The following HMOX2 variants were observed in gnomAD, a reference collection of about 807,000 sequenced individuals.
The protein encoded by HMOX2 is heme oxygenase 2.
A neutral mutation model predicts 33.7 loss-of-function variants in HMOX2; 30 were observed. The ratio of observed to expected loss-of-function variants is 0.89; its 90% CI spans 0.67 to 1.21. The LOEUF is 1.21. HMOX2 is among the 50% of genes most tolerant of loss of function. The pLI is 0.00. For missense variants in HMOX2, 403 were observed against 399.1 expected (o/e 1.01, Z -0.08); for synonymous variants, 155 against 155.0 (o/e 1.00, Z 0.00).
At chr16:4,494,769 C>T (rs1019457908) in intron 1 of HMOX2, among the ~76,000 whole-genome samples, 2 of 151,896 alleles carry the variant, frequency 1.3e-5, no homozygotes, top group Non-Finnish European at 2.9e-5. Context: ...GTCCCAGCTG[C>T]TTTGGGGGCT....
At chr16:4,481,795 T>C (rs1182122672) in intron 1 of HMOX2, 3 of 152,218 alleles carry the variant, frequency 2.0e-5, no homozygotes, top group Non-Finnish European at 4.4e-5. Context: ...CTTCAGTAGT[T>C]ACTTGATCTG....
Position 4,510,234 on chromosome 16 carries a change from C to G in HMOX2, c.*478C>G, listed in dbSNP as rs1567408225. ...CCTCAGAGGCCTTGGGAGCTCATCCCTCTCACCCAGAATCCCTCTAACCCC... is the reference window on the plus strand; with the variant it reads ...CCTCAGAGGCCTTGGGAGCTCATCCGTCTCACCCAGAATCCCTCTAACCCC... On this transcript the variant is annotated 3_prime_UTR_variant, in exon 6 of 6. Transcript: ENST00000570646. 1 of 170,780 alleles carries G rather than the reference C, an allele frequency of 5.9e-6. No homozygotes were observed. The highest frequency in any genetic ancestry group is 1.6e-4 in the South Asian group (1 of 6,080). 10.6% of individuals were successfully genotyped at this position (170,780 alleles called of 1,614,324 possible). A position where few individuals can be genotyped will look rare whatever the true frequency, so the allele number is the denominator to read the frequency against.
chr16:4,479,802 A>G (rs1202332683), intron 1 of HMOX2, among the ~76,000 whole-genome samples: 1 of 137,032 alleles, frequency 7.3e-6, no homozygotes, highest in Admixed American at 8.2e-5. Context: ...GTGGTGGCAC[A>G]ATCTCAGCTC....
chr16:4,486,543 T>C (rs1030833645), intron 1 of HMOX2, among the ~76,000 whole-genome samples: 2 of 152,182 alleles, frequency 1.3e-5, no homozygotes, highest in Non-Finnish European at 2.9e-5. Context: ...ACATGGTTTT[T>C]TGGAAGGTCA....
chr16:4,494,825 G>T (rs924189225), intron 1 of HMOX2, among the ~76,000 whole-genome samples: 1 of 152,018 alleles, frequency 6.6e-6, no homozygotes, highest in Non-Finnish European at 1.5e-5. Flanking sequence ...GCTGCAGTGA[G>T]CTATGATCAC....
Position 4,481,122 on chromosome 16 carries a change from G to A in HMOX2, c.-42+4635G>A, listed in dbSNP as rs1335970273. On this transcript the variant is annotated intron_variant, in intron 1 of 5. Coordinates refer to ENST00000570646, the MANE Select transcript of HMOX2 (RefSeq NM_002134.4). ...AGCACTTTGGGAGGCGGAGGCGGGC[G>A]GATCACGAGGTCAGGAGATCGAGAC... is the stretch of plus-strand genomic sequence containing the variant. 1.3e-5 allele frequency among the ~76,000 whole-genome samples: 2 copies of A among 151,264 alleles called. 1 individual carries two copies. Among genetic ancestry groups the A allele is most frequent in the Admixed American group, 1.3e-4 (2 of 15,200 alleles).
At chr16:4,498,668 C>T (rs1436393180) in intron 1 of HMOX2, among the ~76,000 whole-genome samples, 1 of 152,198 alleles carries the variant, frequency 6.6e-6, no homozygotes, top group Admixed American at 6.5e-5. Context: ...AGCCACTGCA[C>T]CCAGCCTGGA....
intron 1 of HMOX2, among the ~76,000 whole-genome samples, chr16:4,487,106 A>T (rs1196284754): frequency 5.3e-5 from 8 of 152,276 alleles, no homozygotes; most frequent in South Asian, 2.1e-4. Flanking sequence ...AAAAATTTTT[A>T]AAATTAGCTA....
chr16:4,479,726 ATTTTTTTTTTTTTT>A lies in HMOX2; in HGVS notation c.-42+3258_-42+3271del, dbSNP rs58936845. On this transcript the variant is annotated intron_variant, in intron 1 of 5. Transcript: ENST00000570646. Reference sequence around the variant, plus strand: ...ACCCAGCCTGCCTTTTTCTTATTCTATTTTTTTTTTTTTTTTTTTTTTTTTTTTTTTTGAGACAG... The same window carrying A: ...ACCCAGCCTGCCTTTTTCTTATTCTATTTTTTTTTTTTTTTTTTGAGACAG... Among the ~76,000 whole-genome samples, 261 of 79,870 alleles carry A rather than the reference ATTTTTTTTTTTTTT, an allele frequency of 3.3e-3. 3 individuals carry two copies. The highest frequency in any genetic ancestry group is 0.013 in the South Asian group (28 of 2,214). The allele number at this position is 79,870 out of a possible 152,430, so 52.4% of individuals were successfully genotyped here.
intron 1 of HMOX2, among the ~76,000 whole-genome samples, chr16:4,493,637 A>G (rs1269677030): frequency 6.6e-6 from 1 of 152,210 alleles, no homozygotes; most frequent in Non-Finnish European, 1.5e-5. Flanking sequence ...CTGTGTGGCC[A>G]GTAGATTCTC....
At chr16:4,507,124 C>T (rs1305906174) in intron 3 of HMOX2, 112 bp downstream of exon 3, 2 of 738,696 alleles carry the variant, frequency 2.7e-6, no homozygotes, top group Non-Finnish European at 4.9e-6. Context: ...GGGCTTTTCT[C>T]CACACTCCAT....
intron 1 of HMOX2, among the ~76,000 whole-genome samples, chr16:4,501,614 AT>A (rs1452237345): frequency 3.3e-5 from 5 of 152,168 alleles, no homozygotes; most frequent in Non-Finnish European, 7.3e-5. Flanking sequence ...TCTTGTGGAT[AT>A]TAGACATTGA....
intron 1 of HMOX2, among the ~76,000 whole-genome samples, chr16:4,494,087 C>T (rs1343101270): frequency 2.6e-5 from 4 of 152,072 alleles, no homozygotes; most frequent in East Asian, 3.9e-4. Context: ...GAGGCCGAGG[C>T]GGGTGGATCA....
chr16:4,510,340 G>C lies in HMOX2; in HGVS notation c.*584G>C, dbSNP rs1452190769. ...TCCAGCACTCAATAAAGTGGGCTTT[G>C]CAAGCTACCTCCTTCCCTGCCTCCT... On this transcript the variant is annotated 3_prime_UTR_variant, in exon 6 of 6. Coordinates refer to ENST00000570646, the MANE Select transcript of HMOX2 (RefSeq NM_002134.4). The C allele has an allele frequency of 1.3e-5, 2 of 154,190 alleles. No individual in the cohort carries two copies. The highest frequency in any genetic ancestry group is 1.9e-4 in the East Asian group (1 of 5,338). 9.6% of individuals were successfully genotyped at this position (154,190 alleles called of 1,614,324 possible). A position where few individuals can be genotyped will look rare whatever the true frequency, so the allele number is the denominator to read the frequency against.
At chr16:4,492,320 T>G (rs893685189) in intron 1 of HMOX2, among the ~76,000 whole-genome samples, 1 of 151,006 alleles carries the variant, frequency 6.6e-6, no homozygotes, top group Non-Finnish European at 1.5e-5. Flanking sequence ...AGTAAAACCC[T>G]GTCTCTAAAA....
At chr16:4,486,491 G>A (rs2058171001) in intron 1 of HMOX2, among the ~76,000 whole-genome samples, 1 of 152,230 alleles carries the variant, frequency 6.6e-6, no homozygotes, top group Non-Finnish European at 1.5e-5. Flanking sequence ...TTAGAGCTCA[G>A]TACCAATGCT....
At chr16:4,504,062 G>C (rs2058626726) in intron 1 of HMOX2, among the ~76,000 whole-genome samples, 2 of 152,256 alleles carry the variant, frequency 1.3e-5, no homozygotes, top group South Asian at 2.1e-4. Context: ...AGCTTGCCTT[G>C]TTATGGGACT....
At chr16:4,488,825 C>CT (rs36017534) in intron 1 of HMOX2, 3,012 of 130,462 alleles carry the variant, frequency 0.023, 97 homozygotes, top group African/African-American at 0.072. Context: ...CTGTACATTT[C>CT]TTTTTTTTTT....
At chr16:4,496,822 A>C (rs1306241618) in intron 1 of HMOX2, 1 of 152,174 alleles carries the variant, frequency 6.6e-6, no homozygotes, top group Admixed American at 6.5e-5. Context: ...CCTTCTGCCA[A>C]GGCAGGAATG....
Sources: allele counts gnomAD v4.1 joint callset (sites outside exome capture counted in the v4.1 genomes callset), GRCh38; gene constraint gnomAD v4.1.1; transcripts MANE v1.5; gene names NCBI Gene and HGNC (gene_info 2026-07-23, HGNC 2026-07-21).